CCDC40: variants seen among roughly 807,000 people sequenced by gnomAD.
The protein encoded by CCDC40 is coiled-coil domain-containing protein 40.
A neutral mutation model predicts 124.5 loss-of-function variants in CCDC40; 104 were observed. That is an observed-to-expected ratio of 0.84 (90% CI 0.71 to 0.98). CCDC40 has a LOEUF of 0.98. Among genes scored for constraint, CCDC40 ranks in the 50% least tolerant of loss-of-function variants. CCDC40 has a pLI of 0.00. For synonymous variants in CCDC40, 580 were observed against 602.9 expected (o/e 0.96, Z 0.56); for missense variants, 1,463 against 1,503.9 (o/e 0.97, Z 0.45).
intron 9 of CCDC40, among the ~76,000 whole-genome samples, chr17:80,062,348 C>T (rs774181778): frequency 5.3e-5 from 8 of 151,902 alleles, no homozygotes; most frequent in African/African-American, 1.5e-4. Context: ...TACACGTGCA[C>T]GATGTGCAGG....
At chr17:80,047,254 T>A (rs2037447289) in intron 3 of CCDC40, 25 bp from the exon 4 acceptor site, 1 of 1,612,706 alleles carries the variant, frequency 6.2e-7, no homozygotes, top group East Asian at 2.2e-5. Context: ...CCCTGTTGAC[T>A]TAGTTTTGGT....
chr17:80,053,049 A>C lies in CCDC40; in HGVS notation c.1159+2766A>C, dbSNP rs2037644802. Among the ~76,000 whole-genome samples, 7 of 152,198 alleles carry C rather than the reference A, an allele frequency of 4.6e-5. No individual in the cohort carries two copies. In the South Asian group the frequency reaches 1.4e-3, roughly 31 times the overall value. The stretch of plus-strand genomic sequence containing the variant: ...CCAAATGATTGATATCTTGAGGAGG[A>C]GGTAAAAGACATGGACGACAGATTA... On this transcript the variant is annotated intron_variant, in intron 7 of 19. Transcript: ENST00000397545.
intron 17 of CCDC40, chr17:80,090,838 T>G: frequency 8.6e-7 from 1 of 1,165,352 alleles, no homozygotes; most frequent in Non-Finnish European, 1.1e-6. Context: ...ATTCCTCTGC[T>G]GAGTTATTTT....
rs570440845 is a variant in CCDC40, at chr17:80,090,349, GAC to G, written c.2832+466_2832+467del. 0.013 allele frequency: 12,524 copies of G among 989,982 alleles called. 2,505 individuals carry two copies. The highest frequency in any genetic ancestry group is 0.016 in the Non-Finnish European group (11,333 of 710,542). 61.3% of individuals were successfully genotyped at this position (989,982 alleles called of 1,614,324 possible). On this transcript the variant is annotated intron_variant, in intron 17 of 19. Transcript: ENST00000397545. ...CGCGCAGGCACGTGCACGAACAAGG[GAC>G]GCGCGCAGGCACGTGCACGAACACA... is the stretch of plus-strand genomic sequence containing the variant.
At chr17:80,095,092 G>A (rs1267879849) in intron 17 of CCDC40, among the ~76,000 whole-genome samples, 171 bp from the exon 18 acceptor site, 1 of 152,236 alleles carries the variant, frequency 6.6e-6, no homozygotes, top group Non-Finnish European at 1.5e-5. Context: ...TTCCCACCCA[G>A]GGCTGCTGCC....
intron 2 of CCDC40, among the ~76,000 whole-genome samples, chr17:80,039,316 G>A (rs1330437904): frequency 1.3e-5 from 2 of 151,718 alleles, no homozygotes; most frequent in African/African-American, 2.4e-5. Flanking sequence ...GCAGTGAGCC[G>A]AGATCACGCC....
intron 10 of CCDC40, among the ~76,000 whole-genome samples, chr17:80,076,339 C>T (rs934874562): frequency 6.6e-6 from 1 of 151,982 alleles, no homozygotes; most frequent in Non-Finnish European, 1.5e-5. Flanking sequence ...TTTGGGAGGC[C>T]AAGGCAGGCA....
chr17:80,038,245 C>T, intron 2 of CCDC40, 59 bp downstream of exon 2: 1 of 1,190,522 alleles, frequency 8.4e-7, no homozygotes, highest in Middle Eastern at 1.9e-4. Flanking sequence ...TAAAGAGAAT[C>T]AGAGTACGGG....
At chr17:80,099,490 T>C (rs775680854) in intron 19 of CCDC40, 37 bp from the exon 20 acceptor site, 2 of 1,600,126 alleles carry the variant, frequency 1.2e-6, no homozygotes, top group Admixed American at 3.3e-5. Context: ...TTCTTCTGGT[T>C]TGCATAGCCC....
chr17:80,080,503 A>G (rs1201313237), intron 10 of CCDC40, among the ~76,000 whole-genome samples: 1 of 152,216 alleles, frequency 6.6e-6, no homozygotes, highest in East Asian at 1.9e-4. Context: ...GGGAAAGACA[A>G]TAGAATTTGA....
Position 80,058,692 on chromosome 17 carries a change from C to A in CCDC40, c.1317+41C>A. The A allele has an allele frequency of 6.2e-7, 1 of 1,611,278 alleles. No individual in the cohort carries two copies. The highest frequency in any genetic ancestry group is 1.1e-5 in the South Asian group (1 of 90,942). Reference sequence around the variant, plus strand: ...GACACATGTTTAATGATCACCAGACCGTGGAGCTTCAAAAAGGGGCTCAGC... The same window carrying A: ...GACACATGTTTAATGATCACCAGACAGTGGAGCTTCAAAAAGGGGCTCAGC... On this transcript the variant is annotated intron_variant, in intron 8 of 19. Coordinates refer to ENST00000397545, the MANE Select transcript of CCDC40 (RefSeq NM_017950.4). The surrounding 1 kb of genome is among the most constrained non-coding windows in gnomAD (Gnocchi z 4.2).
chr17:80,040,345 G>C, intron 3 of CCDC40, 75 bp downstream of exon 3: 1 of 1,337,322 alleles, frequency 7.5e-7, no homozygotes, highest in South Asian at 1.2e-5. Context: ...TGAGGAACTT[G>C]GGAATACATT....
At chr17:80,094,924 C>T (rs2038781141) in intron 17 of CCDC40, among the ~76,000 whole-genome samples, 1 of 152,118 alleles carries the variant, frequency 6.6e-6, no homozygotes, top group African/African-American at 2.4e-5. Flanking sequence ...GCTAACCAAA[C>T]TACAAACTCT....
intron 4 of CCDC40, chr17:80,048,238 C>A (rs3829606): frequency 0.094 from 32,814 of 347,624 alleles, 1,789 homozygotes; most frequent in Middle Eastern, 0.17. Flanking sequence ...CCAGCCTGGG[C>A]AACAGAGCAA....
At position 80,058,604 on chromosome 17, in the gene CCDC40, A is replaced by G. The variant is rs759444068; in HGVS notation, c.1270A>G (p.Lys424Glu). ...DIRVMTQVVK[K>E]AETERIRAEI... is the part of the protein sequence containing the mutation. Reference sequence around the variant, plus strand: ...CCGCGTGATGACACAAGTGGTAAAGAAGGCCGAGACGGAGAGGATCCGGGC... The same window carrying G: ...CCGCGTGATGACACAAGTGGTAAAGGAGGCCGAGACGGAGAGGATCCGGGC... The change falls in exon 8 of 20, where the codon AAG becomes GAG. Residue 424 changes from lysine to glutamate, a missense_variant. Transcript: ENST00000397545. The surrounding 1 kb of genome is among the most constrained non-coding windows in gnomAD (Gnocchi z 4.2). 3 of 1,614,254 alleles carry G rather than the reference A, an allele frequency of 1.9e-6. No individual in the cohort carries two copies. In the Admixed American group the frequency reaches 5.0e-5, roughly 27 times the overall value.
At position 80,086,524 on chromosome 17, in the gene CCDC40, G is replaced by A; in HGVS notation, c.2449+308G>A. 1 of 372,016 alleles carries A rather than the reference G, an allele frequency of 2.7e-6. No individual in the cohort carries two copies. The highest frequency in any genetic ancestry group is 2.3e-5 in the South Asian group (1 of 44,418). 23.0% of individuals were successfully genotyped at this position (372,016 alleles called of 1,614,324 possible). On this transcript the variant is annotated intron_variant, in intron 14 of 19. Coordinates refer to ENST00000397545, the MANE Select transcript of CCDC40 (RefSeq NM_017950.4). This position sits in a 1 kb window ranked among gnomAD's most constrained non-coding sequence, Gnocchi z 5.5. ...ATCCCCGCCAAGCCAGGGCACTCAG[G>A]TGGAAACACTGGCACGGGAAAAGCC...
intron 2 of CCDC40, among the ~76,000 whole-genome samples, chr17:80,039,087 C>T (rs899759337): frequency 2.0e-5 from 3 of 152,044 alleles, no homozygotes; most frequent in Admixed American, 1.3e-4. Context: ...GCAGAGAGGG[C>T]CAGGCATGGT....
intron 18 of CCDC40, 132 bp from the exon 19 acceptor site, chr17:80,097,113 C>T (rs1598555889): frequency 1.0e-6 from 1 of 991,080 alleles, no homozygotes; most frequent in East Asian, 2.4e-5. Flanking sequence ...CTCCAGCCCT[C>T]CCATTCCTCT....
chr17:80,051,881 G>C (rs2037608054), intron 7 of CCDC40, among the ~76,000 whole-genome samples: 1 of 152,238 alleles, frequency 6.6e-6, no homozygotes, highest in Non-Finnish European at 1.5e-5. Flanking sequence ...AGGGCTTAAA[G>C]AGTGGGTGGG....
Sources: allele counts gnomAD v4.1 joint callset (sites outside exome capture counted in the v4.1 genomes callset), GRCh38; gene constraint gnomAD v4.1.1; non-coding constraint Gnocchi (gnomAD v3.1); transcripts MANE v1.5; gene names NCBI Gene and HGNC (gene_info 2026-07-23, HGNC 2026-07-21).